Variants in DLG2 observed in about 807,000 individuals in gnomAD.
The protein encoded by DLG2 is discs large MAGUK scaffold protein 2, also known as disks large homolog 2.
A neutral mutation model predicts 132.5 loss-of-function variants in DLG2; 45 were observed. That is an observed-to-expected ratio of 0.34 (90% CI 0.27 to 0.44). The LOEUF (loss-of-function observed/expected upper bound fraction) is 0.44, where lower values mean the gene tolerates loss of function less well. Among genes scored for constraint, DLG2 ranks in the 20% least tolerant of loss-of-function variants. The pLI is 1.00. For synonymous variants in DLG2, 424 were observed against 419.6 expected (o/e 1.01, Z -0.13); for missense variants, 1,045 against 1,196.9 (o/e 0.87, Z 1.87).
intron 4 of DLG2, among the ~76,000 whole-genome samples, chr11:85,214,633 C>T (rs951299661): frequency 2.6e-5 from 4 of 152,150 alleles, no homozygotes; most frequent in African/African-American, 9.7e-5. Flanking sequence ...ATCTGAATTT[C>T]ATCTTGATTT....
At chr11:83,820,602 A>G (rs2050496668) in intron 17 of DLG2, among the ~76,000 whole-genome samples, 1 of 152,174 alleles carries the variant, frequency 6.6e-6, no homozygotes, top group Non-Finnish European at 1.5e-5. Flanking sequence ...TCAGGGCAAG[A>G]AAATGGATGT....
chr11:84,239,319 T>TA (rs1334712128), intron 8 of DLG2, among the ~76,000 whole-genome samples: 1 of 151,952 alleles, frequency 6.6e-6, no homozygotes, highest in African/African-American at 2.4e-5. Flanking sequence ...TAGCTGAGAT[T>TA]AAAAGCAGGC....
intron 7 of DLG2, among the ~76,000 whole-genome samples, chr11:84,444,334 T>C (rs1357937965): frequency 6.6e-6 from 1 of 152,148 alleles, no homozygotes; most frequent in Admixed American, 6.5e-5. Context: ...TGTTTCCCTA[T>C]GTAACAAACC....
At chr11:85,135,610 T>C (rs1001822133) in intron 5 of DLG2, among the ~76,000 whole-genome samples, 10 of 152,224 alleles carry the variant, frequency 6.6e-5, no homozygotes, top group Admixed American at 2.0e-4. Context: ...TTGTCTAGCA[T>C]AGGTTCTAGA....
chr11:84,487,649 T>C (rs12283660), intron 7 of DLG2, among the ~76,000 whole-genome samples: 24,010 of 152,108 alleles, frequency 0.16, 2,582 homozygotes, highest in African/African-American at 0.3. Context: ...CTCCAGCCTT[T>C]AGGATGCTCA....
chr11:84,445,933 A>T (rs917822699), intron 7 of DLG2, among the ~76,000 whole-genome samples: 5 of 151,146 alleles, frequency 3.3e-5, no homozygotes, highest in African/African-American at 1.2e-4. Flanking sequence ...AAAAAAAAAA[A>T]AAAAAATACG....
At chr11:84,706,858 A>G (rs1318532816) in intron 6 of DLG2, among the ~76,000 whole-genome samples, 1 of 151,828 alleles carries the variant, frequency 6.6e-6, no homozygotes, top group Non-Finnish European at 1.5e-5. Flanking sequence ...GAAACTAAGT[A>G]AACATTGTCA....
rs114207610 is a variant in DLG2, at chr11:85,200,432, G to T, written c.187-45781C>A. ...CTGTTCACGGAAGAATCCAGAAAGA[G>T]ATTTGTTCATATCTCACAGCCCAGG... On this transcript the variant is annotated intron_variant, in intron 4 of 27. Coordinates refer to ENST00000376104, the MANE Select transcript of DLG2 (RefSeq NM_001142699.3). Among the ~76,000 whole-genome samples the T allele has an allele frequency of 3.5e-3, 530 of 152,260 alleles. 6 individuals carry two copies. Among genetic ancestry groups the T allele is most frequent in the African/African-American group, 0.012 (508 of 41,548 alleles).
At chr11:85,018,072 A>G (rs1273922773) in intron 6 of DLG2, among the ~76,000 whole-genome samples, 4 of 152,198 alleles carry the variant, frequency 2.6e-5, no homozygotes, top group African/African-American at 9.7e-5. Context: ...AACTTCTTAT[A>G]ATGATGCTTG....
chr11:84,967,893 G>C (rs1257741315), intron 6 of DLG2, among the ~76,000 whole-genome samples: 1 of 151,890 alleles, frequency 6.6e-6, no homozygotes, highest in Non-Finnish European at 1.5e-5. Context: ...TATTTTCTAA[G>C]AAAATAAGCT....
intron 7 of DLG2, among the ~76,000 whole-genome samples, chr11:84,359,371 T>C (rs1806603104): frequency 6.6e-6 from 1 of 151,904 alleles, no homozygotes; most frequent in African/African-American, 2.4e-5. Context: ...ACGAATTAAC[T>C]CTTTTGGTTC....
At chr11:85,351,194 G>T (rs2083262157) in intron 3 of DLG2, among the ~76,000 whole-genome samples, 1 of 152,198 alleles carries the variant, frequency 6.6e-6, no homozygotes, top group Non-Finnish European at 1.5e-5. Context: ...GTTCACTCAT[G>T]ATTTGGCTCT....
At chr11:85,368,836 C>T (rs565637529) in intron 3 of DLG2, among the ~76,000 whole-genome samples, 11 of 152,206 alleles carry the variant, frequency 7.2e-5, no homozygotes, top group Non-Finnish European at 1.6e-4. Context: ...GCGGTGGAAC[C>T]GCAGGAAGTT....
At chr11:83,770,849 C>T (rs1042144193) in intron 18 of DLG2, among the ~76,000 whole-genome samples, 11 of 152,098 alleles carry the variant, frequency 7.2e-5, no homozygotes, top group African/African-American at 1.4e-4. Context: ...AATCACAAAA[C>T]GAACAAATAA....
At chr11:85,287,176 T>G (rs1332148080) in intron 3 of DLG2, among the ~76,000 whole-genome samples, 1 of 152,082 alleles carries the variant, frequency 6.6e-6, no homozygotes, top group Non-Finnish European at 1.5e-5. Flanking sequence ...TATATGTAGT[T>G]CATTATGTAT....
chr11:85,575,433 G>T (rs2153226530), intron 3 of DLG2, among the ~76,000 whole-genome samples: 1 of 151,892 alleles, frequency 6.6e-6, no homozygotes, highest in South Asian at 2.1e-4. Context: ...CCACTTGGGA[G>T]GCTGAGATGG....
At chr11:85,321,237 T>C (rs1425149680) in intron 3 of DLG2, among the ~76,000 whole-genome samples, 1 of 151,840 alleles carries the variant, frequency 6.6e-6, no homozygotes, top group African/African-American at 2.4e-5. Context: ...CCTGGGCAAG[T>C]GGAAAAATTG....
At chr11:84,370,967 C>T (rs143360118) in intron 7 of DLG2, among the ~76,000 whole-genome samples, 109 of 152,192 alleles carry the variant, frequency 7.2e-4, no homozygotes, top group African/African-American at 2.4e-3. Flanking sequence ...GAAATGTGCC[C>T]ACCACATTCT....
At chr11:83,984,864 C>T (rs118146707) in intron 11 of DLG2, among the ~76,000 whole-genome samples, 9 of 151,996 alleles carry the variant, frequency 5.9e-5, no homozygotes, top group South Asian at 2.1e-4. Context: ...TTAGTTATTT[C>T]GAAATACACA....
Sources: gnomAD v4.1 joint callset for allele counts (sites outside exome capture counted in the v4.1 genomes callset) on GRCh38, gnomAD v4.1.1 for gene constraint, MANE v1.5 for transcripts, NCBI Gene and HGNC (gene_info 2026-07-23, HGNC 2026-07-21) for gene names.